KLF8: variants seen among roughly 807,000 people sequenced by gnomAD.
The protein encoded by KLF8 is Krueppel-like factor 8.
A neutral mutation model predicts 18.2 loss-of-function variants in KLF8; 10 were observed. The ratio of observed to expected loss-of-function variants is 0.55; its 90% CI spans 0.34 to 0.93. KLF8 has a LOEUF of 0.93. KLF8 is among the 40% of genes least tolerant of loss of function. The pLI, the probability that KLF8 is intolerant of heterozygous loss-of-function variation, is 0.02. For synonymous variants in KLF8, 109 were observed against 97.3 expected (o/e 1.12, Z -0.71); for missense variants, 264 against 277.9 (o/e 0.95, Z 0.36).
At chrX:56,069,280 C>T in the KLF8 span, among the ~76,000 whole-genome samples, 1 of 112,090 alleles carries the variant, frequency 8.9e-6, no homozygotes, top group Non-Finnish European at 1.9e-5. Flanking sequence ...GATCTAATCC[C>T]TGCCACTGAG....
chrX:56,106,090 TTAGTCTGATGGGCTTCC>T, the KLF8 span, among the ~76,000 whole-genome samples: 1 of 111,687 alleles, frequency 9.0e-6, no homozygotes, highest in Admixed American at 9.5e-5. Context: ...GAGACAGCTG[TTAGTCTGATGGGCTTCC>T]CTTTTTGCAT....
At chrX:56,087,017 G>A in the KLF8 span, among the ~76,000 whole-genome samples, 77 of 111,433 alleles carry the variant, frequency 6.9e-4, 1 homozygote, top group Non-Finnish European at 1.3e-3. Context: ...GGTCAGGTTG[G>A]AACTAGAAGG....
At chrX:56,261,279 C>T (rs1240270173) in intron 2 of KLF8, among the ~76,000 whole-genome samples, 1 of 111,369 alleles carries the variant, frequency 9.0e-6, no homozygotes, top group African/African-American at 3.3e-5. Context: ...TTCAAACCAC[C>T]CCTAAGTTTC....
chrX:56,259,529 A>G (rs2066855252), intron 2 of KLF8, among the ~76,000 whole-genome samples: 1 of 110,626 alleles, frequency 9.0e-6, no homozygotes. Flanking sequence ...CTTAGGGTTC[A>G]AATTCCAATT....
At chrX:56,111,326 A>G in the KLF8 span, among the ~76,000 whole-genome samples, 1 of 111,563 alleles carries the variant, frequency 9.0e-6, no homozygotes, top group African/African-American at 3.3e-5. Context: ...GAGCTCTTTG[A>G]GTTTATTCTA....
chrX:56,186,093 G>A, the KLF8 span, among the ~76,000 whole-genome samples: 2 of 112,110 alleles, frequency 1.8e-5, no homozygotes, highest in South Asian at 3.7e-4. Flanking sequence ...ATTGGAAAAA[G>A]AGTCAAGACC....
At chrX:55,942,946 C>T in the KLF8 span, among the ~76,000 whole-genome samples, 3 of 111,439 alleles carry the variant, frequency 2.7e-5, no homozygotes, top group Admixed American at 9.6e-5. Flanking sequence ...TCTGTGGATG[C>T]CTGTGACCTG....
At chrX:56,137,050 A>G in the KLF8 span, among the ~76,000 whole-genome samples, 2 of 111,177 alleles carry the variant, frequency 1.8e-5, no homozygotes, top group Non-Finnish European at 3.8e-5. Context: ...CAAAACCACA[A>G]TGAGATACCA....
At chrX:56,219,753 G>A in the KLF8 span, among the ~76,000 whole-genome samples, 6 of 111,795 alleles carry the variant, frequency 5.4e-5, no homozygotes, top group African/African-American at 1.3e-4. Flanking sequence ...TGGGAAGGCC[G>A]AGACAGGAGA....
intron 1 of KLF8, among the ~76,000 whole-genome samples, chrX:56,245,281 A>G (rs772757401): frequency 1.8e-4 from 20 of 111,340 alleles, no homozygotes; most frequent in Non-Finnish European, 3.0e-4. Flanking sequence ...CTTTATCTCT[A>G]GGCATTTTTC....
the KLF8 span, among the ~76,000 whole-genome samples, chrX:55,939,338 A>G: frequency 1.8e-5 from 2 of 111,787 alleles, no homozygotes; most frequent in South Asian, 7.6e-4. Context: ...GAGAGCAAAG[A>G]CACAACATAA....
chrX:56,069,179 C>T, the KLF8 span, among the ~76,000 whole-genome samples: 2 of 112,162 alleles, frequency 1.8e-5, no homozygotes, highest in African/African-American at 3.2e-5. Context: ...ACTTCTGGCT[C>T]AGCTGTCCTG....
In KLF8 at chrX:56,270,170, T is replaced by G. The variant is rs1357885303; in HGVS notation, c.759-12T>G. 8.4e-7 allele frequency: 1 copy of G among 1,194,043 alleles called. No individual in the cohort carries two copies. On this transcript the variant is annotated splice_polypyrimidine_tract_variant and intron_variant, in intron 4 of 5. Coordinates refer to ENST00000468660, the MANE Select transcript of KLF8 (RefSeq NM_007250.5). ...AGTCACTGTTTGGCTTTATCTCTAT[T>G]TCTTTGATCAGACCAGCAGCAATGG...
chrX:56,180,013 G>A, the KLF8 span, among the ~76,000 whole-genome samples: 38 of 111,390 alleles, frequency 3.4e-4, no homozygotes, highest in African/African-American at 1.2e-3. Context: ...CATAAAATGA[G>A]TTAGGGAGGA....
At chrX:56,013,861 A>G in the KLF8 span, among the ~76,000 whole-genome samples, 1 of 111,514 alleles carries the variant, frequency 9.0e-6, no homozygotes, top group Non-Finnish European at 1.9e-5. Flanking sequence ...GTATGCCTTT[A>G]TTAGTAGCAT....
chrX:55,989,555 C>A, the KLF8 span, among the ~76,000 whole-genome samples: 17 of 111,974 alleles, frequency 1.5e-4, no homozygotes, highest in African/African-American at 2.6e-4. Context: ...GATGAAGCCC[C>A]CTTGATCATG....
intron 1 of KLF8, among the ~76,000 whole-genome samples, chrX:56,247,656 C>T (rs1260959798): frequency 9.1e-6 from 1 of 109,710 alleles, no homozygotes; most frequent in Admixed American, 9.8e-5. Flanking sequence ...GACACATCAG[C>T]CTAGGCCTAT....
At chrX:56,174,096 C>T in the KLF8 span, among the ~76,000 whole-genome samples, 3 of 111,487 alleles carry the variant, frequency 2.7e-5, no homozygotes, top group African/African-American at 9.8e-5. Context: ...TTTCCTTCTC[C>T]TTCCTGATTG....
chrX:56,127,055 C>T, the KLF8 span, among the ~76,000 whole-genome samples: 2 of 110,478 alleles, frequency 1.8e-5, no homozygotes, highest in Non-Finnish European at 3.8e-5. Flanking sequence ...GCCTGGCCTA[C>T]ATGGCTCACT....
Sources: gnomAD v4.1 joint callset for allele counts (sites outside exome capture counted in the v4.1 genomes callset) on GRCh38, gnomAD v4.1.1 for gene constraint, MANE v1.5 for transcripts, NCBI Gene and HGNC (gene_info 2026-07-23, HGNC 2026-07-21) for gene names.